The following DGKG variants were observed in gnomAD, a reference collection of about 807,000 sequenced individuals.
DGKG encodes the protein DAG kinase gamma.
DGKG carries 78 observed loss-of-function variants against 105.3 expected under a neutral mutation model. The ratio of observed to expected loss-of-function variants is 0.74; its 90% CI spans 0.62 to 0.89. The LOEUF (loss-of-function observed/expected upper bound fraction) is 0.89. DGKG is among the 40% of genes least tolerant of loss of function. The pLI, the probability that DGKG is intolerant of heterozygous loss-of-function variation, is 0.00. For synonymous variants in DGKG, 346 were observed against 367.1 expected (o/e 0.94, Z 0.66); for missense variants, 958 against 1,020.1 (o/e 0.94, Z 0.83).
chr3:186,264,020 A>G (rs1362112805), intron 14 of DGKG, among the ~76,000 whole-genome samples: 1 of 152,216 alleles, frequency 6.6e-6, no homozygotes, highest in Non-Finnish European at 1.5e-5. Context: ...TGAGGAATAA[A>G]CCCTCACCTC....
Position 186,231,656 on chromosome 3 carries a change from C to T in DGKG, c.1826+10848G>A, listed in dbSNP as rs1423167958. On this transcript the variant is annotated intron_variant, in intron 20 of 24. Transcript: ENST00000265022. This position sits in a 1 kb window ranked among gnomAD's most constrained non-coding sequence, Gnocchi z 4.5. ...ATACTAGGCCAGGTGTGGTCACTCA[C>T]GCCTGTAATCCCAGCACTTTGGGAA... Among the ~76,000 whole-genome samples, 6 of 152,156 alleles carry T rather than the reference C, an allele frequency of 3.9e-5. No homozygotes were observed. The highest frequency in any genetic ancestry group is 7.3e-5 in the Non-Finnish European group (5 of 68,032).
In DGKG at chr3:186,147,698, A is replaced by G. The variant is rs1034862198; in HGVS notation, c.*2392T>C. ...GAGACCTGTGAGTCTCTGAGAATCA[A>G]TTTCACCTGTTGATAGTGCCATGTC... On this transcript the variant is annotated 3_prime_UTR_variant, in exon 25 of 25. Transcript: ENST00000265022. 43 of 985,214 alleles carry G rather than the reference A, an allele frequency of 4.4e-5. No homozygotes were observed. Among genetic ancestry groups the G allele is most frequent in the Non-Finnish European group, 4.8e-5 (40 of 829,932 alleles). 61.0% of individuals were successfully genotyped at this position (985,214 alleles called of 1,614,324 possible). A position where few individuals can be genotyped will look rare whatever the true frequency, so the allele number is the denominator to read the frequency against.
chr3:186,248,749 T>C (rs1019395830), intron 19 of DGKG, among the ~76,000 whole-genome samples: 3 of 152,176 alleles, frequency 2.0e-5, no homozygotes, highest in African/African-American at 7.2e-5. Context: ...CAAAGCTCAG[T>C]GGTCCACAGC....
At position 186,188,278 on chromosome 3, in the gene DGKG, G is replaced by T. The variant is rs34284245; in HGVS notation, c.2019C>A (p.Asn673Lys). Residue 673 changes from asparagine (N) to lysine (K), a missense_variant, in exon 22 of 25, where the codon AAC (asparagine) becomes AAA (lysine). By Grantham distance (94) the Asn-to-Lys change is moderately conservative. Transcript: ENST00000265022. ...CCCGGATCACAGCCCGGTTCTTCTTGTTTTCTCCCCAGAGATTGGTGCCTC... is the reference window on the plus strand; with the variant it reads ...CCCGGATCACAGCCCGGTTCTTCTTTTTTTCTCCCCAGAGATTGGTGCCTC... ...MYGGTNLWGE[N>K]KKNRAVIRES... The T allele has an allele frequency of 9.9e-4, 1,596 of 1,614,100 alleles. 16 individuals are homozygous for T. In the African/African-American group the frequency reaches 0.018, roughly 19 times the overall value.
chr3:186,159,869 C>T (rs560049759), intron 24 of DGKG: 110 of 152,308 alleles, frequency 7.2e-4, no homozygotes, highest in Non-Finnish European at 1.3e-3. Flanking sequence ...GGGCCATAAT[C>T]CCTTAGAACT....
intron 11 of DGKG, among the ~76,000 whole-genome samples, chr3:186,271,621 C>T (rs963323830): frequency 6.6e-6 from 1 of 152,132 alleles, no homozygotes; most frequent in Admixed American, 6.5e-5. Flanking sequence ...CTTCAGTGGC[C>T]CCCGGCTGCA....
chr3:186,190,497 T>C (rs1717854136), intron 21 of DGKG, among the ~76,000 whole-genome samples: 1 of 152,216 alleles, frequency 6.6e-6, no homozygotes, highest in Non-Finnish European at 1.5e-5. Flanking sequence ...CGTTATCCAT[T>C]ATCATTATCC....
At chr3:186,248,732 G>A (rs1721065320) in intron 19 of DGKG, among the ~76,000 whole-genome samples, 2 of 152,178 alleles carry the variant, frequency 1.3e-5, no homozygotes, top group Admixed American at 6.5e-5. Flanking sequence ...GGGGCTTCAA[G>A]GAGGCACAAA....
intron 20 of DGKG, among the ~76,000 whole-genome samples, chr3:186,224,824 C>A (rs1249937077): frequency 2.3e-5 from 3 of 132,984 alleles, no homozygotes; most frequent in African/African-American, 2.8e-5. Context: ...TGGAAGAAGA[C>A]AATCTGGGTA....
chr3:186,277,544 G>A (rs1722641964), intron 9 of DGKG, among the ~76,000 whole-genome samples: 2 of 152,220 alleles, frequency 1.3e-5, no homozygotes, highest in South Asian at 4.1e-4. Flanking sequence ...GCACTCTTCA[G>A]CAGACTTCTT....
At chr3:186,360,569 A>G (rs1343792379) in intron 1 of DGKG, among the ~76,000 whole-genome samples, 1 of 152,136 alleles carries the variant, frequency 6.6e-6, no homozygotes, top group Non-Finnish European at 1.5e-5. Context: ...CTGGAATGAG[A>G]GTGAGAGGGA....
At chr3:186,259,725 A>G (rs1374668244) in intron 16 of DGKG, among the ~76,000 whole-genome samples, 3 of 151,998 alleles carry the variant, frequency 2.0e-5, no homozygotes, top group Non-Finnish European at 4.4e-5. Flanking sequence ...GCTCTCGAGC[A>G]CCGGCCCGGA....
chr3:186,296,646 A>G (rs1023649131), intron 5 of DGKG, among the ~76,000 whole-genome samples: 1 of 152,226 alleles, frequency 6.6e-6, no homozygotes, highest in Non-Finnish European at 1.5e-5. Flanking sequence ...CTCATTCCAC[A>G]GGAACCAACC....
intron 1 of DGKG, among the ~76,000 whole-genome samples, chr3:186,339,145 T>C (rs559499608): frequency 6.6e-6 from 1 of 152,352 alleles, no homozygotes; most frequent in Non-Finnish European, 1.5e-5. Flanking sequence ...AATAATGATG[T>C]TCAATGGGCA....
Position 186,147,786 on chromosome 3 carries a change from A to C in DGKG, c.*2304T>G. ...ATGCACGAACTTCTGTAAATGTCTT[A>C]GAATCAGTGACCCCAAACCTGAACC... On this transcript the variant is annotated 3_prime_UTR_variant, in exon 25 of 25. Transcript: ENST00000265022. 2 of 985,432 alleles carry C rather than the reference A, an allele frequency of 2.0e-6. No individual in the cohort carries two copies. The highest frequency in any genetic ancestry group is 2.4e-6 in the Non-Finnish European group (2 of 829,946). The allele number at this position is 985,432 out of a possible 1,614,324, so 61.0% of individuals were successfully genotyped here. A position where few individuals can be genotyped will look rare whatever the true frequency, so the allele number is the denominator to read the frequency against.
intron 1 of DGKG, among the ~76,000 whole-genome samples, chr3:186,349,261 T>C (rs1342656015): frequency 3.9e-5 from 6 of 152,214 alleles, no homozygotes; most frequent in East Asian, 1.9e-4. Context: ...ATATGTTTAA[T>C]GTATTGAATA....
At chr3:186,154,046 G>A (rs766653861) in intron 24 of DGKG, among the ~76,000 whole-genome samples, 4 of 152,156 alleles carry the variant, frequency 2.6e-5, no homozygotes, top group Middle Eastern at 3.2e-3. Context: ...GCAGTGAGCC[G>A]TGTTCTCGCC....
intron 22 of DGKG, among the ~76,000 whole-genome samples, chr3:186,171,543 A>G (rs1716819475): frequency 6.6e-6 from 1 of 152,172 alleles, no homozygotes; most frequent in South Asian, 2.1e-4. Flanking sequence ...ACCTAACACA[A>G]TGCAAATGCT....
intron 19 of DGKG, among the ~76,000 whole-genome samples, chr3:186,250,879 C>T (rs1022848831): frequency 6.6e-6 from 1 of 152,018 alleles, no homozygotes; most frequent in African/African-American, 2.4e-5. Flanking sequence ...AAAGTAAATA[C>T]TAGTGTCTTT....
Sources: allele counts gnomAD v4.1 joint callset (sites outside exome capture counted in the v4.1 genomes callset), GRCh38; gene constraint gnomAD v4.1.1; non-coding constraint Gnocchi (gnomAD v3.1); transcripts MANE v1.5; gene names NCBI Gene and HGNC (gene_info 2026-07-23, HGNC 2026-07-21).